Variants in ADGRL3 observed in about 807,000 individuals in gnomAD.
ADGRL3 encodes the protein adhesion G protein-coupled receptor L3, also known as calcium-independent alpha-latrotoxin receptor 3.
In ADGRL3, 62 loss-of-function variants were observed where a neutral mutation model predicts 153.5. That is an observed-to-expected ratio of 0.40 (90% CI 0.33 to 0.50). The LOEUF is 0.50. Ranked by LOEUF, ADGRL3 falls within the 20% of genes least tolerant of loss-of-function variation. The pLI is 0.47. For synonymous variants in ADGRL3, 710 were observed against 672.5 expected (o/e 1.06, Z -0.86); for missense variants, 1,641 against 1,859.4 (o/e 0.88, Z 2.16).
chr4:61,912,734 C>A lies in ADGRL3; in HGVS notation c.2089C>A (p.Arg697Ser), dbSNP rs761017943. The change falls in exon 13 of 27, where the codon CGC (arginine) becomes AGC (serine). Residue 697 changes from arginine (R) to serine (S), a missense_variant. Arg to Ser is a moderately radical substitution (Grantham distance 110). Coordinates refer to ENST00000683033, the MANE Select transcript of ADGRL3 (RefSeq NM_001387552.1). ...ATGGATTCAGCTTCAGAAAAGAGAGCGCTCTTGCAGAGCCTATGTCCAGGT... is the reference window on the plus strand; with the variant it reads ...ATGGATTCAGCTTCAGAAAAGAGAGAGCTCTTGCAGAGCCTATGTCCAGGT... ...RSLNKLQKRE[R>S]SCRAYVQAMV... 6.2e-6 allele frequency: 10 copies of A among 1,613,050 alleles called. No individual in the cohort carries two copies. Among genetic ancestry groups the A allele is most frequent in the Non-Finnish European group, 5.9e-6 (7 of 1,179,386 alleles).
intron 2 of ADGRL3, among the ~76,000 whole-genome samples, chr4:61,458,465 T>C (rs1215690309): frequency 1.3e-5 from 2 of 151,230 alleles, no homozygotes; most frequent in Non-Finnish European, 3.0e-5. Flanking sequence ...ACTAAAAATA[T>C]ACTAATTATA....
At chr4:61,289,161 C>A (rs2094067864) in intron 1 of ADGRL3, among the ~76,000 whole-genome samples, 2 of 151,890 alleles carry the variant, frequency 1.3e-5, no homozygotes, top group African/African-American at 4.8e-5. Flanking sequence ...TATTCCCACA[C>A]TTTTCTTCTT....
intron 9 of ADGRL3, among the ~76,000 whole-genome samples, chr4:61,844,726 C>T (rs954524906): frequency 6.6e-6 from 1 of 151,362 alleles, no homozygotes; most frequent in African/African-American, 2.4e-5. Flanking sequence ...ACATTCATTG[C>T]AACTGTCTTG....
intron 5 of ADGRL3, among the ~76,000 whole-genome samples, chr4:61,612,145 T>C (rs942434569): frequency 1.3e-5 from 2 of 152,118 alleles, no homozygotes; most frequent in Non-Finnish European, 2.9e-5. Context: ...AATAACTACC[T>C]TTATGCTAGT....
intron 9 of ADGRL3, among the ~76,000 whole-genome samples, chr4:61,874,799 T>TTTC: frequency 8.3e-6 from 1 of 120,758 alleles, no homozygotes; most frequent in African/African-American, 3.3e-5. Flanking sequence ...CTTTTTTTTT[T>TTTC]TTTTTTTTTT....
intron 5 of ADGRL3, among the ~76,000 whole-genome samples, chr4:61,592,402 G>A (rs2098973362): frequency 6.6e-6 from 1 of 152,050 alleles, no homozygotes; most frequent in African/African-American, 2.4e-5. Flanking sequence ...TAACAGATCA[G>A]AAACAATACC....
chr4:61,558,173 C>CATATATATATATATATATATATATATAT (rs33947698), intron 4 of ADGRL3, among the ~76,000 whole-genome samples: 16 of 129,016 alleles, frequency 1.2e-4, no homozygotes, highest in African/African-American at 4.5e-4. Flanking sequence ...ATGTAGGAAT[C>CATATATATATATATATATATATATATAT]ATATATATAT....
At chr4:62,002,367 C>T (rs55752011) in intron 21 of ADGRL3, among the ~76,000 whole-genome samples, 2,340 of 150,692 alleles carry the variant, frequency 0.016, 70 homozygotes, top group African/African-American at 0.054. Context: ...TCTCTACTCA[C>T]TTTCTTTTCC....
intron 4 of ADGRL3, among the ~76,000 whole-genome samples, chr4:61,534,949 C>T (rs1036548844): frequency 6.6e-6 from 1 of 152,036 alleles, no homozygotes; most frequent in Non-Finnish European, 1.5e-5. Flanking sequence ...TCTGATTGCT[C>T]AGGCTAGAAT....
intron 1 of ADGRL3, among the ~76,000 whole-genome samples, chr4:61,288,526 G>T (rs1246472490): frequency 1.3e-5 from 2 of 151,868 alleles, no homozygotes; most frequent in East Asian, 3.9e-4. Flanking sequence ...ATAGTGAATT[G>T]AATAAATGGT....
chr4:62,074,903 A>G lies in ADGRL3; in HGVS notation c.*3995A>G, dbSNP rs987488883. On this transcript the variant is annotated 3_prime_UTR_variant, in exon 27 of 27. Transcript: ENST00000683033. The stretch of plus-strand genomic sequence containing the variant: ...ATATAAGGGAATTAGTAACATTTAT[A>G]AAGGACCCACATATTTAATTTTAGG... The G allele has an allele frequency of 2.0e-5, 3 of 152,146 alleles. No individual in the cohort carries two copies. Among genetic ancestry groups the G allele is most frequent in the Admixed American group, 2.0e-4 (3 of 15,260 alleles). The allele number at this position is 152,146 out of a possible 1,614,324, so 9.4% of individuals were successfully genotyped here. A position where few individuals can be genotyped will look rare whatever the true frequency, so the allele number is the denominator to read the frequency against.
At chr4:61,801,526 C>T (rs1173009740) in intron 8 of ADGRL3, among the ~76,000 whole-genome samples, 2 of 152,052 alleles carry the variant, frequency 1.3e-5, no homozygotes, top group African/African-American at 4.8e-5. Flanking sequence ...GTGAAATAAT[C>T]CACATTGCTT....
At chr4:61,331,848 T>G (rs1262603104) in intron 1 of ADGRL3, among the ~76,000 whole-genome samples, 2 of 152,110 alleles carry the variant, frequency 1.3e-5, no homozygotes, top group Admixed American at 6.6e-5. Flanking sequence ...ATTGTCATTT[T>G]AAATCAGTCT....
Position 62,037,765 on chromosome 4 carries a change from A to G in ADGRL3, c.3626A>G (p.His1209Arg), listed in dbSNP as rs1725896484. The G allele has an allele frequency of 6.2e-7, 1 of 1,613,684 alleles. No individual in the cohort carries two copies. Among genetic ancestry groups the G allele is most frequent in the South Asian group, 1.1e-5 (1 of 91,086 alleles). The change falls in exon 24 of 27, where the codon CAT (histidine) becomes CGT (arginine). Residue 1209 changes from histidine (H) to arginine (R), a missense_variant. This residue lies in a region of ADGRL3 where 517 missense variants were observed against 555.0 expected (regional missense o/e 0.93). Transcript: ENST00000683033. ...RKEYGKCLRT[H>R]CCSGKSTESS... ...GAGTATGGGAAATGCCTGCGAACAC[A>G]TTGCTGTAGTGGCAAAAGTACAGAG...
At chr4:61,454,718 T>C (rs1321918669) in intron 2 of ADGRL3, among the ~76,000 whole-genome samples, 1 of 152,176 alleles carries the variant, frequency 6.6e-6, no homozygotes, top group Non-Finnish European at 1.5e-5. Context: ...CATAGTGTTT[T>C]ATATATTAAC....
At chr4:62,043,317 AT>A (rs1729384454) in intron 24 of ADGRL3, among the ~76,000 whole-genome samples, 1 of 152,038 alleles carries the variant, frequency 6.6e-6, no homozygotes, top group African/African-American at 2.4e-5. Context: ...GGTAATTAAT[AT>A]TTTTAATTAA....
chr4:61,644,797 A>T (rs1056052797), intron 5 of ADGRL3, among the ~76,000 whole-genome samples: 2 of 152,168 alleles, frequency 1.3e-5, no homozygotes, highest in African/African-American at 2.4e-5. Context: ...GATGTCTATT[A>T]TGTCCGCTTG....
At chr4:61,406,981 A>G (rs1325846657) in intron 2 of ADGRL3, among the ~76,000 whole-genome samples, 1 of 152,104 alleles carries the variant, frequency 6.6e-6, no homozygotes, top group African/African-American at 2.4e-5. Context: ...TAGAAATAAC[A>G]AAATAAAATA....
chr4:61,659,700 A>G (rs1191263366), intron 5 of ADGRL3, among the ~76,000 whole-genome samples: 2 of 152,110 alleles, frequency 1.3e-5, no homozygotes, highest in Non-Finnish European at 2.9e-5. Context: ...CCTTGGGGAA[A>G]TTACTTAATT....
Sources: allele counts gnomAD v4.1 joint callset (sites outside exome capture counted in the v4.1 genomes callset), GRCh38; gene constraint gnomAD v4.1.1; regional missense constraint gnomAD v4.1.1; transcripts MANE v1.5; gene names NCBI Gene and HGNC (gene_info 2026-07-23, HGNC 2026-07-21).